DEPTOR: variants seen among roughly 807,000 people sequenced by gnomAD.
DEPTOR encodes DEP domain containing MTOR interacting protein, also known as DEP domain-containing mTOR-interacting protein.
Under a neutral mutation model 41.6 loss-of-function variants are expected in DEPTOR, and 41 were observed. That is an observed-to-expected ratio of 0.98 (90% confidence interval 0.77 to 1.28). DEPTOR has a LOEUF of 1.28. Ranked by LOEUF, DEPTOR falls within the 50% of genes most tolerant of loss-of-function variation. The pLI is 0.00. For missense variants in DEPTOR, 514 were observed against 527.9 expected (o/e 0.97, Z 0.26); for synonymous variants, 195 against 192.3 (o/e 1.01, Z -0.12).
intron 1 of DEPTOR, among the ~76,000 whole-genome samples, chr8:119,883,892 A>G (rs917605962): frequency 6.6e-6 from 1 of 152,202 alleles, no homozygotes; most frequent in Non-Finnish European, 1.5e-5. Flanking sequence ...TATTACAGCT[A>G]TAGAGAACAG....
At chr8:119,973,101 G>A (rs1029170269) in intron 4 of DEPTOR, among the ~76,000 whole-genome samples, 5 of 151,860 alleles carry the variant, frequency 3.3e-5, no homozygotes, top group East Asian at 1.9e-4. Context: ...CACCACACCC[G>A]GCTAATTTTG....
chr8:120,036,586 A>C (rs1409052734), intron 8 of DEPTOR, among the ~76,000 whole-genome samples: 1 of 152,132 alleles, frequency 6.6e-6, no homozygotes, highest in Non-Finnish European at 1.5e-5. Flanking sequence ...TCCTGCTGTC[A>C]GGTCTGTGTG....
intron 4 of DEPTOR, 148 bp from the exon 5 acceptor site, chr8:120,001,377 G>T: frequency 1.5e-6 from 1 of 650,650 alleles, no homozygotes; most frequent in Non-Finnish European, 2.4e-6. Flanking sequence ...TGGAACCATG[G>T]GCGGATGGGC....
At chr8:120,011,145 G>T (rs985596014) in intron 8 of DEPTOR, among the ~76,000 whole-genome samples, 1 of 152,156 alleles carries the variant, frequency 6.6e-6, no homozygotes, top group Non-Finnish European at 1.5e-5. Flanking sequence ...TTTGCATGCT[G>T]GAAAAAATAA....
At chr8:119,921,089 G>A (rs573229509) in intron 1 of DEPTOR, among the ~76,000 whole-genome samples, 2 of 151,586 alleles carry the variant, frequency 1.3e-5, no homozygotes, top group Non-Finnish European at 2.9e-5. Flanking sequence ...GGATCCTCCC[G>A]CCTCAGCCGG....
chr8:119,899,729 T>C (rs1827562902), intron 1 of DEPTOR, among the ~76,000 whole-genome samples: 1 of 152,216 alleles, frequency 6.6e-6, no homozygotes, highest in Admixed American at 6.5e-5. Context: ...GTCTTCATCA[T>C]GTAGAAGTTC....
At chr8:119,988,958 CTTTTT>C (rs71571643) in intron 4 of DEPTOR, among the ~76,000 whole-genome samples, 20 of 93,924 alleles carry the variant, frequency 2.1e-4, no homozygotes, top group East Asian at 1.8e-3. Flanking sequence ...TTTTTTTTTT[CTTTTT>C]TTTTTTTTTT....
At chr8:119,919,971 G>A (rs905220153) in intron 1 of DEPTOR, among the ~76,000 whole-genome samples, 3 of 152,300 alleles carry the variant, frequency 2.0e-5, no homozygotes, top group African/African-American at 7.2e-5. Flanking sequence ...TTCTCTTAGG[G>A]CTGGAAGAGG....
At position 119,965,405 on chromosome 8, in the gene DEPTOR, A is replaced by G. The variant is rs1828546415; in HGVS notation, c.599A>G (p.Gln200Arg). The part of the protein sequence containing the change: ...CHRLMEHGII[Q>R]HVSNKHPFVD... ...CGGCTTATGGAGCATGGCATCATCC[A>G]GCATGGTGAGCGTATTGGGCAGCTT... The change falls in exon 4 of 9, where the codon CAG (glutamine) becomes CGG (arginine). Residue 200 changes from glutamine to arginine, a missense_variant. Coordinates refer to ENST00000286234, the MANE Select transcript of DEPTOR (RefSeq NM_022783.4). The G allele has an allele frequency of 2.5e-6, 4 of 1,613,254 alleles. No individual in the cohort carries two copies. The East Asian group carries it at 8.9e-5, about 36-fold the overall frequency.
At chr8:119,930,205 ATCAAATGATGT>A (rs2129855932) in intron 3 of DEPTOR, among the ~76,000 whole-genome samples, 1 of 152,298 alleles carries the variant, frequency 6.6e-6, no homozygotes, top group South Asian at 2.1e-4. Context: ...TTTGTTTACC[ATCAAATGATGT>A]GGATGCCCCT....
At chr8:120,011,361 C>T (rs1661215806) in intron 8 of DEPTOR, among the ~76,000 whole-genome samples, 1 of 152,174 alleles carries the variant, frequency 6.6e-6, no homozygotes, top group South Asian at 2.1e-4. Flanking sequence ...AGCCCTTCTA[C>T]CTTCCCAGGA....
chr8:119,879,572 C>T (rs893650403), intron 1 of DEPTOR, among the ~76,000 whole-genome samples: 4 of 149,280 alleles, frequency 2.7e-5, no homozygotes, highest in Admixed American at 6.7e-5. Context: ...ATTATCTGTG[C>T]GTGGTGGTAC....
intron 1 of DEPTOR, among the ~76,000 whole-genome samples, chr8:119,875,773 CA>C: frequency 6.6e-6 from 1 of 152,222 alleles, no homozygotes; most frequent in Non-Finnish European, 1.5e-5. Context: ...GTATTGAGGA[CA>C]AAAGAGTGTA....
intron 8 of DEPTOR, among the ~76,000 whole-genome samples, chr8:120,039,195 T>G (rs1035403710): frequency 6.6e-6 from 1 of 152,188 alleles, no homozygotes; most frequent in Non-Finnish European, 1.5e-5. Context: ...CCTTGCCCCT[T>G]CTACCATGTG....
At chr8:120,002,939 C>A (rs1362173088) in intron 5 of DEPTOR, 38 bp from the exon 6 acceptor site, 1 of 1,544,678 alleles carries the variant, frequency 6.5e-7, no homozygotes, top group Non-Finnish European at 8.8e-7. Flanking sequence ...GCCGAGACCA[C>A]CCCCTTGGTG....
intron 4 of DEPTOR, among the ~76,000 whole-genome samples, chr8:119,978,714 A>G (rs1390616665): frequency 6.6e-6 from 1 of 152,060 alleles, no homozygotes; most frequent in East Asian, 1.9e-4. Context: ...GGCTCTCCTT[A>G]TGCAGGTATA....
chr8:120,035,053 C>T (rs1384233116), intron 8 of DEPTOR, among the ~76,000 whole-genome samples: 5 of 152,048 alleles, frequency 3.3e-5, no homozygotes, highest in African/African-American at 4.8e-5. Flanking sequence ...CACAGTGGCT[C>T]ATGCCTGGAA....
chr8:119,956,728 T>TGG (rs1171000616), intron 3 of DEPTOR, among the ~76,000 whole-genome samples: 123 of 113,412 alleles, frequency 1.1e-3, no homozygotes, highest in African/African-American at 3.7e-3. Context: ...GGGTTTTTTG[T>TGG]TTTTTTTTTT....
chr8:119,994,069 G>A (rs1234866121), intron 4 of DEPTOR, among the ~76,000 whole-genome samples: 1 of 151,604 alleles, frequency 6.6e-6, no homozygotes, highest in Non-Finnish European at 1.5e-5. Flanking sequence ...CGCAGGAGGT[G>A]GAGGTTGCAG....
Sources: gnomAD v4.1 joint callset for allele counts (sites outside exome capture counted in the v4.1 genomes callset) on GRCh38, gnomAD v4.1.1 for gene constraint, MANE v1.5 for transcripts, NCBI Gene and HGNC (gene_info 2026-07-23, HGNC 2026-07-21) for gene names.